The following YES1 variants were observed in gnomAD, a reference collection of about 807,000 sequenced individuals.
YES1 encodes tyrosine-protein kinase Yes.
A neutral mutation model predicts 70.4 loss-of-function variants in YES1; 39 were observed. The ratio of observed to expected loss-of-function variants is 0.55; its 90% confidence interval spans 0.43 to 0.72. The LOEUF (loss-of-function observed/expected upper bound fraction) is 0.72, where lower values mean the gene tolerates loss of function less well. Ranked by LOEUF, YES1 falls within the 30% of genes least tolerant of loss-of-function variation. YES1 has a pLI of 0.00. For synonymous variants in YES1, 198 were observed against 218.6 expected, an observed-to-expected ratio of 0.91 and a Z score of 0.83; for missense variants, 495 against 644.8, an observed-to-expected ratio of 0.77 and a Z score of 2.52.
At chr18:758,530 C>T (rs1904408015) in intron 1 of YES1, among the ~76,000 whole-genome samples, 1 of 152,184 alleles carries the variant, frequency 6.6e-6, no homozygotes, top group African/African-American at 2.4e-5. Context: ...TCTTTTTCCC[C>T]CTTCTAAAAT....
Position 756,756 on chromosome 18 carries a change from A to G in YES1, c.72T>C (p.Pro24=). The G allele has an allele frequency of 1.9e-6, 3 of 1,614,216 alleles. No homozygotes were observed. Among genetic ancestry groups the G allele is most frequent in the Non-Finnish European group, 2.5e-6 (3 of 1,180,042 alleles). The part of the protein sequence containing the change: ...IKYRPENTPE[P]VSTSVSHYGA... Reference sequence around the variant, plus strand: ...CATAATGGCTCACACTTGTACTGACAGGCTCTGGAGTATTTTCAGGTCTGT... The same window carrying G: ...CATAATGGCTCACACTTGTACTGACGGGCTCTGGAGTATTTTCAGGTCTGT... The change falls in exon 2 of 12, where the codon CCT becomes CCC. Residue 24 remains proline (P), a synonymous_variant. Coordinates refer to ENST00000314574, the MANE Select transcript of YES1 (RefSeq NM_005433.4).
intron 1 of YES1, among the ~76,000 whole-genome samples, chr18:759,643 T>A (rs989010787): frequency 1.3e-5 from 2 of 152,180 alleles, no homozygotes; most frequent in Admixed American, 6.5e-5. Context: ...CTAAACAACA[T>A]AGTACAATAA....
chr18:732,107 A>T, intron 11 of YES1, among the ~76,000 whole-genome samples: 1 of 152,152 alleles, frequency 6.6e-6, no homozygotes, highest in Middle Eastern at 3.4e-3. Context: ...GAATCTCAAA[A>T]TAATCTACTG....
Position 723,280 on chromosome 18 carries a change from A to T in YES1, c.*1144T>A, listed in dbSNP as rs1293719760. Reference sequence around the variant, plus strand: ...TATAGTTATACTTTATAACTCTTCAAAGTCTCAGAATATAGCTAAGTGAGG... The same window carrying T: ...TATAGTTATACTTTATAACTCTTCATAGTCTCAGAATATAGCTAAGTGAGG... On this transcript the variant is annotated 3_prime_UTR_variant, in exon 12 of 12. Transcript: ENST00000314574. 1.3e-5 allele frequency: 2 copies of T among 152,652 alleles called. No homozygotes were observed. The highest frequency in any genetic ancestry group is 2.9e-5 in the Non-Finnish European group (2 of 68,036). The allele number at this position is 152,652 out of a possible 1,614,324, so 9.5% of individuals were successfully genotyped here. A position where few individuals can be genotyped will look rare whatever the true frequency, so the allele number is the denominator to read the frequency against.
In YES1 at chr18:768,692, GTTAT is replaced by G. The variant is rs369460488; in HGVS notation, c.-8-11861_-8-11858del. Among the ~76,000 whole-genome samples the G allele has an allele frequency of 8.5e-3, 1,290 of 151,962 alleles. 10 individuals are homozygous for G. Among genetic ancestry groups the G allele is most frequent in the African/African-American group, 0.022 (906 of 41,440 alleles). Reference sequence around the variant, plus strand: ...CCATACCTTTTCTATGTTTAGATATGTTATTTATTTATTTATTTATTTATTTTTG... The same window carrying G: ...CCATACCTTTTCTATGTTTAGATATGTTATTTATTTATTTATTTATTTTTG... On this transcript the variant is annotated intron_variant, in intron 1 of 11. Coordinates refer to ENST00000314574, the MANE Select transcript of YES1 (RefSeq NM_005433.4).
chr18:731,376 G>A (rs1332613807), intron 11 of YES1, among the ~76,000 whole-genome samples: 1 of 152,138 alleles, frequency 6.6e-6, no homozygotes, highest in African/African-American at 2.4e-5. Flanking sequence ...GTCATTAAAT[G>A]AGAATAACTT....
rs530724052 is a variant in YES1 at position 794,027 on chromosome 18, T to G, written c.-9+18087A>C. On this transcript the variant is annotated intron_variant, in intron 1 of 11. Coordinates refer to ENST00000314574, the MANE Select transcript of YES1 (RefSeq NM_005433.4). The stretch of plus-strand genomic sequence containing the variant: ...AGCACACGTATCCCAGAACAACTCT[T>G]ACTGCAATAATTAATTCAGCCAAGG... 5.3e-4 allele frequency among the ~76,000 whole-genome samples: 81 copies of G among 152,332 alleles called. 1 individual carries two copies. The highest frequency in any genetic ancestry group is 1.5e-3 in the African/African-American group (62 of 41,574).
At chr18:743,690 G>A (rs1036082785) in intron 6 of YES1, among the ~76,000 whole-genome samples, 23 of 151,864 alleles carry the variant, frequency 1.5e-4, no homozygotes, top group Non-Finnish European at 3.4e-4. Flanking sequence ...GATGAATCAC[G>A]AGGTCAGGAG....
chr18:758,328 T>C (rs1315821741), intron 1 of YES1, among the ~76,000 whole-genome samples: 6 of 151,164 alleles, frequency 4.0e-5, no homozygotes, highest in Non-Finnish European at 1.5e-5. Flanking sequence ...GTGGCTATCA[T>C]ACAGGACAAA....
intron 3 of YES1, among the ~76,000 whole-genome samples, chr18:749,402 G>A (rs991161909): frequency 6.6e-6 from 1 of 150,730 alleles, no homozygotes; most frequent in African/African-American, 2.4e-5. Context: ...GGAGACTGAG[G>A]CAGGAGAATC....
At chr18:728,793 G>A (rs148266489) in intron 11 of YES1, among the ~76,000 whole-genome samples, 1,721 of 152,248 alleles carry the variant, frequency 0.011, 34 homozygotes, top group African/African-American at 0.039. Context: ...CAAAGTACTG[G>A]GATTACAGGC....
At chr18:792,527 ATCTCTC>A (rs374164158) in intron 1 of YES1, among the ~76,000 whole-genome samples, 133 of 115,352 alleles carry the variant, frequency 1.2e-3, no homozygotes, top group Non-Finnish European at 2.0e-3. Flanking sequence ...CTGAGACTCC[ATCTCTC>A]TCTCTCTCTC....
In YES1 at chr18:751,778, A is replaced by G; in HGVS notation, c.298T>C (p.Tyr100His). Residue 100 changes from tyrosine to histidine, a missense_variant, in exon 3 of 12, where the codon TAT becomes CAT. Around this residue, in one of 2 missense-constraint regions of YES1, gnomAD observed 385 missense variants for 540.9 expected, o/e 0.71. Coordinates refer to ENST00000314574, the MANE Select transcript of YES1 (RefSeq NM_005433.4). ...TGGVTIFVAL[Y>H]DYEARTTEDL... ...TCTGTAGTTCTAGCTTCATAATCAT[A>G]TAAGGCCACAAATATAGTAACACCA... The G allele has an allele frequency of 1.9e-6, 3 of 1,605,316 alleles. No individual in the cohort carries two copies. The highest frequency in any genetic ancestry group is 2.6e-6 in the Non-Finnish European group (3 of 1,172,552).
At chr18:773,926 G>A (rs187296030) in intron 1 of YES1, among the ~76,000 whole-genome samples, 1 of 151,826 alleles carries the variant, frequency 6.6e-6, no homozygotes, top group African/African-American at 2.4e-5. Context: ...CCACCTCCTG[G>A]GTTTGAGCAA....
intron 1 of YES1, among the ~76,000 whole-genome samples, chr18:776,311 A>G (rs1169839684): frequency 6.6e-6 from 1 of 151,948 alleles, no homozygotes; most frequent in African/African-American, 2.4e-5. Flanking sequence ...CTCGTGCCTC[A>G]GCCTCCCATG....
chr18:738,778 A>G (rs1461867692), intron 9 of YES1: 1 of 151,914 alleles, frequency 6.6e-6, no homozygotes, highest in Admixed American at 6.6e-5. Flanking sequence ...TAATTTTCTT[A>G]AAATTATCTG....
chr18:727,506 G>A (rs1158485637), intron 11 of YES1, among the ~76,000 whole-genome samples: 1 of 152,028 alleles, frequency 6.6e-6, no homozygotes, highest in Non-Finnish European at 1.5e-5. Context: ...TGTTCCATCT[G>A]TTCGTTTCTC....
At position 743,918 on chromosome 18, in the gene YES1, A is replaced by AAT. The variant is rs1254130295; in HGVS notation, c.725-505_725-504dup. Among the ~76,000 whole-genome samples the AAT allele has an allele frequency of 6.0e-3, 881 of 146,732 alleles. 13 individuals are homozygous for AAT. The highest frequency in any genetic ancestry group is 0.019 in the African/African-American group (753 of 40,010). On this transcript the variant is annotated intron_variant, in intron 6 of 11. Coordinates refer to ENST00000314574, the MANE Select transcript of YES1 (RefSeq NM_005433.4). ...GAGATTCTGACTCGAAAAAAAAAAA[A>AAT]ATATATATATATATACATGTTATTA...
At chr18:725,844 A>G (rs62091704) in intron 11 of YES1, among the ~76,000 whole-genome samples, 19,813 of 152,194 alleles carry the variant, frequency 0.13, 1,412 homozygotes, top group East Asian at 0.28. Flanking sequence ...AGATTGCGCC[A>G]TAGCACTCCA....
Sources: allele counts gnomAD v4.1 joint callset (sites outside exome capture counted in the v4.1 genomes callset), GRCh38; gene constraint gnomAD v4.1.1; regional missense constraint gnomAD v4.1.1; transcripts MANE v1.5; gene names NCBI Gene and HGNC (gene_info 2026-07-23, HGNC 2026-07-21).